Variants in SMYD3 observed in about 807,000 individuals in gnomAD.
SMYD3 encodes the protein SET and MYND domain containing 3.
A neutral mutation model predicts 57.7 loss-of-function variants in SMYD3; 36 were observed. That is an observed-to-expected ratio of 0.62 (90% CI 0.48 to 0.82). The LOEUF is 0.82. SMYD3 is among the 40% of genes least tolerant of loss of function. The pLI is 0.00. For missense variants in SMYD3, 515 were observed against 538.8 expected, an observed-to-expected ratio of 0.96 and a Z score of 0.44; for synonymous variants, 211 against 195.0, an observed-to-expected ratio of 1.08 and a Z score of -0.68.
intron 5 of SMYD3, among the ~76,000 whole-genome samples, chr1:246,024,218 T>C (rs974973687): frequency 2.0e-5 from 3 of 152,216 alleles, no homozygotes; most frequent in East Asian, 1.9e-4. Context: ...ATGTACTATA[T>C]AGCTTACATT....
At chr1:245,973,699 C>T (rs1472941045) in intron 5 of SMYD3, among the ~76,000 whole-genome samples, 1 of 152,184 alleles carries the variant, frequency 6.6e-6, no homozygotes, top group Non-Finnish European at 1.5e-5. Flanking sequence ...GAGCATCAGA[C>T]CATCCCAACT....
intron 5 of SMYD3, among the ~76,000 whole-genome samples, chr1:246,260,459 G>C (rs1039998928): frequency 1.6e-4 from 24 of 151,820 alleles, no homozygotes; most frequent in African/African-American, 7.3e-5. Flanking sequence ...TTGTTTGTTT[G>C]TTTCTTTTTT....
At chr1:245,996,447 C>G (rs1012550013) in intron 5 of SMYD3, among the ~76,000 whole-genome samples, 1 of 152,174 alleles carries the variant, frequency 6.6e-6, no homozygotes, top group African/African-American at 2.4e-5. Context: ...ATTCATGATA[C>G]AGGTGTTATT....
intron 10 of SMYD3, among the ~76,000 whole-genome samples, chr1:245,824,086 C>G (rs895522712): frequency 6.6e-6 from 1 of 152,188 alleles, no homozygotes; most frequent in African/African-American, 2.4e-5. Context: ...CTTCTGCCCC[C>G]TTCAGTCACA....
At chr1:245,765,558 AGAAAAT>A (rs2046052154) in intron 10 of SMYD3, among the ~76,000 whole-genome samples, 1 of 152,212 alleles carries the variant, frequency 6.6e-6, no homozygotes, top group African/African-American at 2.4e-5. Context: ...AATTGAACTG[AGAAAAT>A]GATACAAGTA....
At chr1:245,858,345 GAATAA>G in intron 10 of SMYD3, 146 bp downstream of exon 10, 1 of 775,584 alleles carries the variant, frequency 1.3e-6, no homozygotes, top group South Asian at 2.0e-5. Context: ...CAAGAGGAGT[GAATAA>G]AATAAGACTT....
intron 5 of SMYD3, among the ~76,000 whole-genome samples, chr1:246,010,936 T>C (rs1304004685): frequency 6.6e-6 from 1 of 152,200 alleles, no homozygotes; most frequent in Non-Finnish European, 1.5e-5. Context: ...GATACTTTCT[T>C]ACATAGGAAG....
intron 5 of SMYD3, among the ~76,000 whole-genome samples, chr1:246,102,367 C>T (rs2061030526): frequency 6.6e-6 from 1 of 152,174 alleles, no homozygotes; most frequent in African/African-American, 2.4e-5. Flanking sequence ...TTCTCTACAT[C>T]TCAGATCCCC....
intron 8 of SMYD3, among the ~76,000 whole-genome samples, chr1:245,905,285 G>A (rs2054484991): frequency 6.6e-6 from 1 of 152,012 alleles, no homozygotes; most frequent in South Asian, 2.1e-4. Context: ...GGTTCCTGGG[G>A]TCCCTGACTC....
At chr1:246,057,571 A>G (rs1300136040) in intron 5 of SMYD3, among the ~76,000 whole-genome samples, 1 of 152,252 alleles carries the variant, frequency 6.6e-6, no homozygotes, top group Non-Finnish European at 1.5e-5. Context: ...CGCACATATT[A>G]GAATGGCCAA....
intron 5 of SMYD3, among the ~76,000 whole-genome samples, chr1:246,137,115 T>A (rs1047450584): frequency 6.6e-6 from 1 of 152,216 alleles, no homozygotes; most frequent in Non-Finnish European, 1.5e-5. Flanking sequence ...AATTGTTATA[T>A]AAGTCACGTG....
intron 5 of SMYD3, among the ~76,000 whole-genome samples, chr1:245,990,193 C>T (rs987329860): frequency 3.3e-5 from 5 of 152,134 alleles, no homozygotes; most frequent in Non-Finnish European, 5.9e-5. Flanking sequence ...CCTCATCGTC[C>T]TGAGTAGCTG....
At chr1:246,444,591 C>A (rs1237608705) in intron 1 of SMYD3, among the ~76,000 whole-genome samples, 1 of 152,190 alleles carries the variant, frequency 6.6e-6, no homozygotes, top group African/African-American at 2.4e-5. Context: ...GGAAGGAAGA[C>A]TCACTCTGCC....
intron 8 of SMYD3, among the ~76,000 whole-genome samples, chr1:245,890,959 G>A (rs1472819103): frequency 6.6e-6 from 1 of 152,186 alleles, no homozygotes; most frequent in African/African-American, 2.4e-5. Flanking sequence ...AATTAAACTA[G>A]CCAGACACAG....
intron 1 of SMYD3, among the ~76,000 whole-genome samples, chr1:246,363,740 C>T (rs1417741865): frequency 6.6e-6 from 1 of 151,962 alleles, no homozygotes; most frequent in East Asian, 1.9e-4. Flanking sequence ...CGTTAAGAGT[C>T]ATCACCACTC....
At chr1:246,151,245 C>CAA (rs36099985) in intron 5 of SMYD3, among the ~76,000 whole-genome samples, 5 of 132,680 alleles carry the variant, frequency 3.8e-5, no homozygotes, top group Non-Finnish European at 5.0e-5. Flanking sequence ...GACTCTGTCT[C>CAA]AAAAAAAAAA....
In SMYD3 at chr1:246,392,827, GAATA is replaced by G. The variant is rs1218054668; in HGVS notation, c.165-37737_165-37734del. ...AAAAGAAAAAAAAAAAACTCAATTAGAATAAAGAAACATTTCACTAAAAGAAGAT... is the reference window on the plus strand; with the variant it reads ...AAAAGAAAAAAAAAAAACTCAATTAGAAGAAACATTTCACTAAAAGAAGAT... On this transcript the variant is annotated intron_variant, in intron 1 of 11. Coordinates refer to ENST00000490107, the MANE Select transcript of SMYD3 (RefSeq NM_001167740.2). Among the ~76,000 whole-genome samples, 473 of 146,844 alleles carry G rather than the reference GAATA, an allele frequency of 3.2e-3. 2 individuals carry two copies. Among genetic ancestry groups the G allele is most frequent in the African/African-American group, 0.011 (438 of 40,196 alleles).
chr1:246,457,465 G>A (rs1299704175), intron 1 of SMYD3, among the ~76,000 whole-genome samples: 10 of 149,000 alleles, frequency 6.7e-5, no homozygotes, highest in African/African-American at 2.0e-4. Flanking sequence ...CCTGGGATGC[G>A]GAGGGTGCAG....
At chr1:246,215,021 T>G (rs2148404371) in intron 5 of SMYD3, among the ~76,000 whole-genome samples, 1 of 152,284 alleles carries the variant, frequency 6.6e-6, no homozygotes, top group African/African-American at 2.4e-5. Context: ...GCTGCTGAGC[T>G]TTCTATTTTT....
Sources: gnomAD v4.1 joint callset for allele counts (sites outside exome capture counted in the v4.1 genomes callset) on GRCh38, gnomAD v4.1.1 for gene constraint, MANE v1.5 for transcripts, NCBI Gene and HGNC (gene_info 2026-07-23, HGNC 2026-07-21) for gene names.